CELF2: variants seen among roughly 807,000 people sequenced by gnomAD.
CELF2 encodes CUGBP Elav-like family member 2.
A neutral mutation model predicts 62.6 loss-of-function variants in CELF2; 8 were observed. That is an observed-to-expected ratio of 0.13 (90% CI 0.07 to 0.23). CELF2 has a LOEUF of 0.23. CELF2 is among the 10% of genes least tolerant of loss of function. CELF2 has a pLI of 1.00. For missense variants in CELF2, 333 were observed against 671.0 expected (o/e 0.50, Z 5.56); for synonymous variants, 258 against 250.0 (o/e 1.03, Z -0.30).
At chr10:11,127,650 A>G (rs1017291967) in intron 1 of CELF2, among the ~76,000 whole-genome samples, 1 of 152,154 alleles carries the variant, frequency 6.6e-6, no homozygotes, top group Non-Finnish European at 1.5e-5. Flanking sequence ...ACCAGTGATG[A>G]TGAGTATTTT....
intron 2 of CELF2, among the ~76,000 whole-genome samples, chr10:10,979,207 C>T (rs997341452): frequency 5.3e-5 from 8 of 152,120 alleles, no homozygotes; most frequent in Non-Finnish European, 7.4e-5. Context: ...GTATCAGGAG[C>T]GGTAACATTT....
chr10:11,201,351 C>T (rs185552930), intron 2 of CELF2, among the ~76,000 whole-genome samples: 27 of 152,260 alleles, frequency 1.8e-4, no homozygotes, highest in African/African-American at 6.3e-4. Context: ...GGCTTTCCTC[C>T]ATGTGGTGAT....
intron 2 of CELF2, among the ~76,000 whole-genome samples, chr10:11,180,993 C>T (rs2073173528): frequency 1.3e-5 from 2 of 152,182 alleles, no homozygotes; most frequent in African/African-American, 4.8e-5. Flanking sequence ...CCTCAGCTTC[C>T]CTAATAACTG....
At chr10:10,510,360 A>G in the CELF2 span, among the ~76,000 whole-genome samples, 1 of 152,220 alleles carries the variant, frequency 6.6e-6, no homozygotes, top group African/African-American at 2.4e-5. Flanking sequence ...AGCATTTTGC[A>G]ATACTTCTTT....
At chr10:11,163,652 G>A (rs2066258862) in intron 1 of CELF2, among the ~76,000 whole-genome samples, 1 of 152,230 alleles carries the variant, frequency 6.6e-6, no homozygotes, top group African/African-American at 2.4e-5. Flanking sequence ...AGGTTGATTA[G>A]AGCAAGCTCT....
intron 2 of CELF2, among the ~76,000 whole-genome samples, chr10:10,953,298 C>T (rs964710036): frequency 1.3e-5 from 2 of 152,182 alleles, no homozygotes; most frequent in African/African-American, 4.8e-5. Flanking sequence ...TCTATACCAT[C>T]TATAATTACC....
At chr10:11,312,990 A>C (rs2094658564) in intron 9 of CELF2, among the ~76,000 whole-genome samples, 1 of 152,236 alleles carries the variant, frequency 6.6e-6, no homozygotes, top group African/African-American at 2.4e-5. Context: ...AAATAGGACA[A>C]AATCTAAATA....
chr10:10,941,943 G>A (rs1450279786), intron 2 of CELF2, among the ~76,000 whole-genome samples: 2 of 147,290 alleles, frequency 1.4e-5, no homozygotes, highest in Admixed American at 6.9e-5. Context: ...GCAGTGAGCC[G>A]AGATCACAGC....
chr10:10,698,670 C>T, the CELF2 span, among the ~76,000 whole-genome samples: 1 of 152,140 alleles, frequency 6.6e-6, no homozygotes, highest in Non-Finnish European at 1.5e-5. Flanking sequence ...TCTGCTTTAT[C>T]CTCTCTCACT....
the CELF2 span, among the ~76,000 whole-genome samples, chr10:10,543,145 G>C: frequency 6.6e-6 from 1 of 152,172 alleles, no homozygotes; most frequent in Non-Finnish European, 1.5e-5. Flanking sequence ...CCCTGGTGCT[G>C]ATCTCTCCTA....
the CELF2 span, among the ~76,000 whole-genome samples, chr10:10,754,572 T>G: frequency 6.6e-6 from 1 of 152,214 alleles, no homozygotes; most frequent in Non-Finnish European, 1.5e-5. Context: ...TCTGCTGTCT[T>G]AGAATTTCAT....
At chr10:10,803,663 G>A (rs781203506) in intron 1 of CELF2, among the ~76,000 whole-genome samples, 8 of 152,278 alleles carry the variant, frequency 5.3e-5, no homozygotes, top group Admixed American at 2.0e-4. Context: ...TGTTCACTTC[G>A]TATGGTTCAG....
rs984120584 is a variant in CELF2, at chr10:10,820,607, G to A, written c.53+21790G>A. Among the ~76,000 whole-genome samples the A allele has an allele frequency of 3.9e-5, 6 of 152,280 alleles. No individual in the cohort carries two copies. In the East Asian group the frequency reaches 1.2e-3, roughly 29 times the overall value. On this transcript the variant is annotated intron_variant, in intron 1 of 13. Transcript: ENST00000636488. The stretch of plus-strand genomic sequence containing the variant: ...AAATACAAAATCACACCTGCACTAA[G>A]GGGTGGACAGAGAGGTACAGAGTGT...
At position 11,285,046 on chromosome 10, in the gene CELF2, G is replaced by C. The variant is rs1321601575; in HGVS notation, c.842-3372G>C. ...AGTGGATCTGTGGATGGATAATTAA[G>C]TGGATGGATGGATAGTTGGGTGGTT... On this transcript the variant is annotated intron_variant, in intron 8 of 12. Transcript: ENST00000633077. This position sits in a 1 kb window ranked among gnomAD's most constrained non-coding sequence, Gnocchi z 4.3. 6.7e-6 allele frequency among the ~76,000 whole-genome samples: 1 copy of C among 149,914 alleles called. No homozygotes were observed. The highest frequency in any genetic ancestry group is 2.0e-4 in the East Asian group (1 of 4,980).
At chr10:11,052,588 A>G (rs1428624005) in intron 1 of CELF2, among the ~76,000 whole-genome samples, 1 of 152,356 alleles carries the variant, frequency 6.6e-6, no homozygotes, top group African/African-American at 2.4e-5. Flanking sequence ...GCTAACTGCA[A>G]TTAGGTAAAC....
chr10:10,544,953 A>G, the CELF2 span, among the ~76,000 whole-genome samples: 3 of 152,332 alleles, frequency 2.0e-5, no homozygotes, highest in Non-Finnish European at 4.4e-5. Context: ...TACATCTAAA[A>G]GAAAATATTT....
At chr10:10,885,106 G>A (rs2061670999) in intron 1 of CELF2, among the ~76,000 whole-genome samples, 1 of 152,040 alleles carries the variant, frequency 6.6e-6, no homozygotes, top group Non-Finnish European at 1.5e-5. Flanking sequence ...AGCTGAGCGT[G>A]GTGGTGTTTG....
chr10:11,029,864 C>T (rs531472795), intron 1 of CELF2, among the ~76,000 whole-genome samples: 1 of 152,348 alleles, frequency 6.6e-6, no homozygotes, highest in Non-Finnish European at 1.5e-5. Context: ...GTTGGGCCAA[C>T]AGTTTTAAAT....
chr10:10,840,377 G>A (rs2058599497), intron 1 of CELF2, among the ~76,000 whole-genome samples: 1 of 152,192 alleles, frequency 6.6e-6, no homozygotes, highest in South Asian at 2.1e-4. Flanking sequence ...AATTGGCATT[G>A]CCAATTTTTT....
Sources: gnomAD v4.1 joint callset for allele counts (sites outside exome capture counted in the v4.1 genomes callset) on GRCh38, gnomAD v4.1.1 for gene constraint, Gnocchi (gnomAD v3.1) non-coding constraint, MANE v1.5 for transcripts, NCBI Gene and HGNC (gene_info 2026-07-23, HGNC 2026-07-21) for gene names.